The following ZNF599 variants were observed in gnomAD, a reference collection of about 807,000 sequenced individuals.
ZNF599 encodes zinc finger protein 599.
ZNF599 carries 10 observed loss-of-function variants against 11.7 expected under a neutral mutation model. The ratio of observed to expected loss-of-function variants is 0.86; its 90% CI spans 0.53 to 1.45. The LOEUF is 1.45. Ranked by LOEUF, ZNF599 falls within the 40% of genes most tolerant of loss-of-function variation. ZNF599 has a pLI of 0.00. For missense variants in ZNF599, 688 were observed against 713.6 expected, an observed-to-expected ratio of 0.96 and a Z score of 0.41; for synonymous variants, 232 against 253.2, an observed-to-expected ratio of 0.92 and a Z score of 0.79.
chr19:34,765,613 A>G (rs753108658), intron 3 of ZNF599: 77 of 703,028 alleles, frequency 1.1e-4, no homozygotes, highest in Non-Finnish European at 1.7e-4. Flanking sequence ...GGCCAGGATG[A>G]TAACTCTTCC....
chr19:34,789,794 G>A, the ZNF599 span, among the ~76,000 whole-genome samples: 1 of 152,136 alleles, frequency 6.6e-6, no homozygotes, highest in African/African-American at 2.4e-5. Flanking sequence ...CTCTCGATCT[G>A]TAGGTTGTCT....
At chr19:34,769,324 G>A in intron 2 of ZNF599, 105 bp downstream of exon 2, 1 of 1,498,048 alleles carries the variant, frequency 6.7e-7, no homozygotes, top group South Asian at 1.1e-5. Flanking sequence ...AGGCTGCAGG[G>A]ATCAGGGAAG....
At chr19:34,807,471 C>T in the ZNF599 span, among the ~76,000 whole-genome samples, 1 of 152,232 alleles carries the variant, frequency 6.6e-6, no homozygotes, top group Non-Finnish European at 1.5e-5. Context: ...TCAGTCTTAC[C>T]TCTGTGCAGT....
chr19:34,759,364 C>T lies in ZNF599; in HGVS notation c.1437G>A (p.Leu479=). 2.5e-6 allele frequency: 4 copies of T among 1,612,072 alleles called. No individual in the cohort carries two copies. Among genetic ancestry groups the T allele is most frequent in the Non-Finnish European group, 3.4e-6 (4 of 1,179,494 alleles). The part of the protein sequence containing the change: ...HNRTHSGQKP[L]ECKECAKAFY... ...AGGCTTTTGCACATTCTTTGCACTC[C>T]AAGGGTTTTTGTCCACTGTGGGTCC... Residue 479 remains leucine, a synonymous_variant, in exon 4 of 4, where the codon TTG becomes TTA. Coordinates refer to ENST00000329285, the MANE Select transcript of ZNF599 (RefSeq NM_001007248.3).
the ZNF599 span, among the ~76,000 whole-genome samples, chr19:34,793,534 A>G: frequency 6.6e-6 from 1 of 152,232 alleles, no homozygotes; most frequent in Non-Finnish European, 1.5e-5. Context: ...ACTTTTCACA[A>G]ATCAGTTTCC....
At chr19:34,791,723 G>A in the ZNF599 span, 3 of 152,166 alleles carry the variant, frequency 2.0e-5, no homozygotes, top group Admixed American at 1.3e-4. Flanking sequence ...AGTCCCCAGG[G>A]AGGTCACAAC....
chr19:34,774,943 A>T (rs2069210242), upstream of ZNF599, among the ~76,000 whole-genome samples: 2 of 152,138 alleles, frequency 1.3e-5, no homozygotes, highest in Admixed American at 6.5e-5. Flanking sequence ...CCTTGGTGCT[A>T]TTCTTGAGAT....
the ZNF599 span, among the ~76,000 whole-genome samples, chr19:34,780,984 A>G: frequency 0.13 from 19,898 of 151,856 alleles, 1,390 homozygotes; most frequent in Middle Eastern, 0.21. Context: ...ATGAAACCCC[A>G]TCTCTACTAA....
the ZNF599 span, among the ~76,000 whole-genome samples, chr19:34,793,575 G>C: frequency 6.6e-6 from 1 of 152,200 alleles, no homozygotes; most frequent in Non-Finnish European, 1.5e-5. Context: ...TAAAAATAAT[G>C]CTGTAAGTTC....
At chr19:34,791,532 G>T in the ZNF599 span, among the ~76,000 whole-genome samples, 1 of 152,200 alleles carries the variant, frequency 6.6e-6, no homozygotes, top group African/African-American at 2.4e-5. Context: ...AACTTAGCCA[G>T]CTTTTACACT....
the ZNF599 span, among the ~76,000 whole-genome samples, chr19:34,806,030 C>T: frequency 6.6e-6 from 1 of 152,178 alleles, no homozygotes; most frequent in Non-Finnish European, 1.5e-5. Context: ...AGAAGAGTCA[C>T]ACACAGGCTG....
At chr19:34,804,077 C>G in the ZNF599 span, among the ~76,000 whole-genome samples, 2 of 152,188 alleles carry the variant, frequency 1.3e-5, no homozygotes, top group Admixed American at 6.5e-5. Flanking sequence ...GCTAAGAAAG[C>G]CTCACCTTCT....
chr19:34,773,825 G>A (rs1242601510), upstream of ZNF599, among the ~76,000 whole-genome samples: 2 of 152,054 alleles, frequency 1.3e-5, no homozygotes, highest in African/African-American at 2.4e-5. Context: ...TTGGTGGGAA[G>A]TAACTAAGAA....
Position 34,772,863 on chromosome 19 carries a change from G to A in ZNF599, c.-22C>T. 3 of 1,456,076 alleles carry A rather than the reference G, an allele frequency of 2.1e-6. No homozygotes were observed. The highest frequency in any genetic ancestry group is 2.7e-6 in the Non-Finnish European group (3 of 1,108,694). 90.2% of individuals were successfully genotyped at this position (1,456,076 alleles called of 1,614,324 possible). ...CCATGGGCCCAGGGGGCTGGGTGAG[G>A]CCGTGAGAGTCGGCGAGGAAGCCGG... is the stretch of plus-strand genomic sequence containing the variant. On this transcript the variant is annotated 5_prime_UTR_variant, in exon 1 of 4. Coordinates refer to ENST00000329285, the MANE Select transcript of ZNF599 (RefSeq NM_001007248.3).
chr19:34,769,553 T>C lies in ZNF599; in HGVS notation c.21A>G (p.Ala7=). 1 of 1,612,974 alleles carries C rather than the reference T, an allele frequency of 6.2e-7. No homozygotes were observed. Among genetic ancestry groups the C allele is most frequent in the Non-Finnish European group, 8.5e-7 (1 of 1,179,118 alleles). Residue 7 remains alanine, a splice_region_variant and synonymous_variant, in exon 2 of 4, where the codon GCA becomes GCG. Coordinates refer to ENST00000329285, the MANE Select transcript of ZNF599 (RefSeq NM_001007248.3). MAAPAL[A]LVSFEDVVVT... ...CAACCACGTCTTCAAATGATACTAA[T>C]GCCTGGGAAGTCAAACAGAGGTGAC...
chr19:34,769,647 C>T, intron 1 of ZNF599, 92 bp from the exon 2 acceptor site: 1 of 1,491,228 alleles, frequency 6.7e-7, no homozygotes, highest in Non-Finnish European at 9.1e-7. Context: ...GTCCAGAGAC[C>T]CTGAACCACT....
At chr19:34,797,334 T>C in the ZNF599 span, among the ~76,000 whole-genome samples, 1 of 152,180 alleles carries the variant, frequency 6.6e-6, no homozygotes, top group Non-Finnish European at 1.5e-5. Context: ...TACCCAGTAG[T>C]GGGATTGCTG....
In ZNF599 at chr19:34,767,381, T is replaced by C. The variant is rs1472009250; in HGVS notation, c.176A>G (p.Tyr59Cys). Residue 59 changes from tyrosine to cysteine, a missense_variant, in exon 3 of 4, where the codon TAT becomes TGT. Physicochemically the swap from Tyr to Cys is radical, Grantham distance 194. Coordinates refer to ENST00000329285, the MANE Select transcript of ZNF599 (RefSeq NM_001007248.3). ...CAGTTCCTGTCCATGTTCCAGTAGA[T>C]AGATCAGCTCTGGTTTGGGAACAGG... ...GHPVPKPELIYLLEHGQELWT... is the reference protein window; with the variant it reads ...GHPVPKPELICLLEHGQELWT... 4 of 1,613,982 alleles carry C rather than the reference T, an allele frequency of 2.5e-6. No individual in the cohort carries two copies. The highest frequency in any genetic ancestry group is 3.4e-6 in the Non-Finnish European group (4 of 1,180,008).
At chr19:34,775,278 C>G (rs1051266408), upstream of ZNF599, among the ~76,000 whole-genome samples, 1 of 152,158 alleles carries the variant, frequency 6.6e-6, no homozygotes, top group Non-Finnish European at 1.5e-5. Context: ...AATGGATAAA[C>G]AAAATGTGAT....
Sources: allele counts gnomAD v4.1 joint callset (sites outside exome capture counted in the v4.1 genomes callset), GRCh38; gene constraint gnomAD v4.1.1; transcripts MANE v1.5; gene names NCBI Gene and HGNC (gene_info 2026-07-23, HGNC 2026-07-21).